Variants in SOX6 observed in about 807,000 individuals in gnomAD.
The protein encoded by SOX6 is transcription factor SOX-6.
A neutral mutation model predicts 97.8 loss-of-function variants in SOX6; 11 were observed. That is an observed-to-expected ratio of 0.11 (90% CI 0.07 to 0.19). SOX6 has a LOEUF of 0.19. Ranked by LOEUF, SOX6 falls within the 10% of genes least tolerant of loss-of-function variation. The pLI, the probability that SOX6 is intolerant of heterozygous loss-of-function variation, is 1.00. For missense variants in SOX6, 810 were observed against 1,039.5 expected, an observed-to-expected ratio of 0.78 and a Z score of 3.04; for synonymous variants, 360 against 371.4, an observed-to-expected ratio of 0.97 and a Z score of 0.35.
intron 4 of SOX6, among the ~76,000 whole-genome samples, chr11:16,494,822 T>C (rs901881895): frequency 6.6e-6 from 1 of 152,120 alleles, no homozygotes; most frequent in Non-Finnish European, 1.5e-5. Flanking sequence ...CTCCTAATCA[T>C]AGGGGAGCTT....
At position 16,605,357 on chromosome 11, in the gene SOX6, C is replaced by T. The variant is rs530302210; in HGVS notation, n.609+6724G>A. Among the ~76,000 whole-genome samples, 141 of 152,290 alleles carry T rather than the reference C, an allele frequency of 9.3e-4. No homozygotes were observed. The highest frequency in any genetic ancestry group is 3.3e-3 in the African/African-American group (139 of 41,578). On this transcript the variant is annotated intron_variant and non_coding_transcript_variant, in intron 4 of 5. Coordinates refer to the SOX6 transcript ENST00000524520. The surrounding 1 kb of genome is among the most constrained non-coding windows in gnomAD (Gnocchi z 5.3). ...GCTCCCGCCAGGTCAGGCACCACTG[C>T]CCTCGCGGCCAGGGTAAAGAGGACC... is the stretch of plus-strand genomic sequence containing the variant.
intron 3 of SOX6, among the ~76,000 whole-genome samples, chr11:16,651,862 T>A (rs1847658593): frequency 6.6e-6 from 1 of 152,128 alleles, no homozygotes; most frequent in Non-Finnish European, 1.5e-5. Context: ...TATGATCATA[T>A]ACCTAGAAAA....
chr11:16,466,431 C>T (rs1373994584), intron 1 of SOX6, among the ~76,000 whole-genome samples: 1 of 152,102 alleles, frequency 6.6e-6, no homozygotes, highest in Non-Finnish European at 1.5e-5. Flanking sequence ...CTGTATTTCA[C>T]ATCTTATAGA....
intron 7 of SOX6, among the ~76,000 whole-genome samples, chr11:16,098,552 C>T (rs557236320): frequency 2.0e-5 from 3 of 151,818 alleles, no homozygotes; most frequent in South Asian, 2.1e-4. Context: ...AGAACCAAAA[C>T]AAAGTAAGGA....
chr11:16,148,888 A>G (rs1850386226), intron 6 of SOX6, among the ~76,000 whole-genome samples: 1 of 152,176 alleles, frequency 6.6e-6, no homozygotes, highest in African/African-American at 2.4e-5. Flanking sequence ...CTCCAGTGGA[A>G]AACTTGTTTC....
At chr11:16,382,669 T>C (rs1297986148) in intron 1 of SOX6, among the ~76,000 whole-genome samples, 1 of 151,968 alleles carries the variant, frequency 6.6e-6, no homozygotes, top group African/African-American at 2.4e-5. Flanking sequence ...GGTAAAGAGA[T>C]GCTATATTTA....
At chr11:16,112,487 C>A (rs1282382520) in intron 6 of SOX6, among the ~76,000 whole-genome samples, 1 of 152,182 alleles carries the variant, frequency 6.6e-6, no homozygotes, top group Non-Finnish European at 1.5e-5. Context: ...AAGTAATACT[C>A]TTTGCCATAC....
intron 12 of SOX6, among the ~76,000 whole-genome samples, chr11:16,021,082 T>C (rs969697825): frequency 1.9e-4 from 29 of 152,274 alleles, no homozygotes; most frequent in African/African-American, 6.7e-4. Context: ...GATTATATAA[T>C]TTAATGTGAA....
chr11:16,180,836 T>C (rs1439373327), intron 6 of SOX6, among the ~76,000 whole-genome samples: 3 of 151,816 alleles, frequency 2.0e-5, no homozygotes, highest in Non-Finnish European at 4.4e-5. Flanking sequence ...GGAAGACATA[T>C]AAATAAAATT....
Position 16,395,628 on chromosome 11 carries a change from G to A in SOX6, c.-4-54376C>T, listed in dbSNP as rs531812598. 1.6e-3 allele frequency among the ~76,000 whole-genome samples: 246 copies of A among 151,858 alleles called. 2 individuals are homozygous for A. The highest frequency in any genetic ancestry group is 5.8e-3 in the African/African-American group (242 of 41,488). On this transcript the variant is annotated intron_variant, in intron 1 of 15. Coordinates refer to the SOX6 transcript ENST00000396356. Reference sequence around the variant, plus strand: ...GTGGGGCCAGGGTCTTTTATGCTAAGAATATTTTTGTTTGTTTAATTAAAG... The same window carrying A: ...GTGGGGCCAGGGTCTTTTATGCTAAAAATATTTTTGTTTGTTTAATTAAAG...
intron 1 of SOX6, among the ~76,000 whole-genome samples, chr11:16,473,743 A>T (rs1860185926): frequency 6.6e-6 from 1 of 151,612 alleles, no homozygotes; most frequent in Admixed American, 6.6e-5. Context: ...GTAGAGATGG[A>T]GTTTCACCAT....
At chr11:16,135,010 C>G (rs1849925272) in intron 6 of SOX6, among the ~76,000 whole-genome samples, 1 of 152,148 alleles carries the variant, frequency 6.6e-6, no homozygotes, top group African/African-American at 2.4e-5. Context: ...GCTCATTTAC[C>G]ATTCTGAAAA....
chr11:16,410,630 C>T (rs924408406), intron 1 of SOX6, among the ~76,000 whole-genome samples: 20 of 151,612 alleles, frequency 1.3e-4, no homozygotes, highest in Admixed American at 5.3e-4. Context: ...TGGTGGTGTG[C>T]GCCTCTAATC....
intron 4 of SOX6, among the ~76,000 whole-genome samples, chr11:16,572,559 A>T (rs1847948767): frequency 6.6e-6 from 1 of 152,190 alleles, no homozygotes; most frequent in African/African-American, 2.4e-5. Context: ...TACTACTACA[A>T]TGTAAAATTA....
chr11:16,453,631 T>C (rs951026033), intron 1 of SOX6, among the ~76,000 whole-genome samples: 1 of 152,166 alleles, frequency 6.6e-6, no homozygotes, highest in African/African-American at 2.4e-5. Flanking sequence ...CTTTCCTATG[T>C]CGGGCACTAG....
chr11:16,130,641 A>G (rs1475551411), intron 6 of SOX6, among the ~76,000 whole-genome samples: 1 of 151,970 alleles, frequency 6.6e-6, no homozygotes, highest in Non-Finnish European at 1.5e-5. Context: ...TATAGTATGA[A>G]GCTGATTCTA....
intron 13 of SOX6, 82 bp from the exon 14 acceptor site, chr11:15,989,312 A>G: frequency 8.4e-7 from 1 of 1,190,856 alleles, no homozygotes; most frequent in Non-Finnish European, 1.2e-6. Flanking sequence ...CGCCTGGGTC[A>G]GCTGTTTTCC....
chr11:16,493,408 C>T (rs1860540607), intron 4 of SOX6, among the ~76,000 whole-genome samples: 1 of 152,070 alleles, frequency 6.6e-6, no homozygotes, highest in African/African-American at 2.4e-5. Context: ...AGCATGCATG[C>T]TCTGGGGGTG....
intron 1 of SOX6, among the ~76,000 whole-genome samples, chr11:16,347,176 G>A (rs2134350935): frequency 6.6e-6 from 1 of 152,166 alleles, no homozygotes; most frequent in East Asian, 1.9e-4. Flanking sequence ...CCTAATGACT[G>A]GCCTGCTGAC....
Sources: gnomAD v4.1 joint callset for allele counts (sites outside exome capture counted in the v4.1 genomes callset) on GRCh38, gnomAD v4.1.1 for gene constraint, Gnocchi (gnomAD v3.1) non-coding constraint, MANE v1.5 for transcripts, NCBI Gene and HGNC (gene_info 2026-07-23, HGNC 2026-07-21) for gene names.